Variants in IL18RAP observed in about 807,000 individuals in gnomAD.
The protein encoded by IL18RAP is interleukin-18 receptor accessory protein.
A neutral mutation model predicts 58.1 loss-of-function variants in IL18RAP; 37 were observed. That is an observed-to-expected ratio of 0.64 (90% CI 0.49 to 0.84). The LOEUF (loss-of-function observed/expected upper bound fraction) is 0.84, where lower values mean the gene tolerates loss of function less well. IL18RAP is among the 40% of genes least tolerant of loss of function. IL18RAP has a pLI of 0.00. For synonymous variants in IL18RAP, 268 were observed against 257.5 expected, an observed-to-expected ratio of 1.04 and a Z score of -0.39; for missense variants, 667 against 704.8, an observed-to-expected ratio of 0.95 and a Z score of 0.61.
chr2:102,421,046 T>C (rs1016207515), upstream of IL18RAP, among the ~76,000 whole-genome samples: 1 of 152,200 alleles, frequency 6.6e-6, no homozygotes, highest in Non-Finnish European at 1.5e-5. Context: ...ACTGATCTAC[T>C]GCAGCATGGT....
Position 102,423,334 on chromosome 2 carries a change from A to G in IL18RAP, c.57A>G (p.Gly19=). The change falls in exon 1 of 10, where the codon GGA becomes GGG. Residue 19 remains glycine (G), a synonymous_variant. Transcript: ENST00000687160. ...TTGTTGCAGGAGAGCGAATTAAAGG[A>G]TTTAATATTTCAGGTAGGGGTTTTC... ...LWLVAGERIK[G]FNISGCSTKK... is the part of the protein sequence containing the mutation. The G allele has an allele frequency of 6.2e-7, 1 of 1,613,924 alleles. No homozygotes were observed. Among genetic ancestry groups the G allele is most frequent in the Non-Finnish European group, 8.5e-7 (1 of 1,179,812 alleles).
chr2:102,451,091 T>A, intron 9 of IL18RAP, 70 bp downstream of exon 9: 1 of 1,288,164 alleles, frequency 7.8e-7, no homozygotes, highest in Non-Finnish European at 1.1e-6. Context: ...AAGTCTTTTT[T>A]GTCATTCTTT....
At chr2:102,428,085 C>A (rs1488740134) in intron 3 of IL18RAP, among the ~76,000 whole-genome samples, 1 of 151,110 alleles carries the variant, frequency 6.6e-6, no homozygotes, top group Non-Finnish European at 1.5e-5. Flanking sequence ...CAGTACCATG[C>A]TGTTTTGATT....
chr2:102,444,623 C>T (rs2104372085), intron 6 of IL18RAP, among the ~76,000 whole-genome samples: 1 of 152,328 alleles, frequency 6.6e-6, no homozygotes, highest in Non-Finnish European at 1.5e-5. Flanking sequence ...CTTCAGAGAA[C>T]TCAAATTGTG....
upstream of IL18RAP, among the ~76,000 whole-genome samples, chr2:102,421,651 C>T (rs1681584406): frequency 6.6e-6 from 1 of 152,194 alleles, no homozygotes; most frequent in African/African-American, 2.4e-5. Flanking sequence ...ACCTTAACAC[C>T]TATCCGTGGC....
intron 4 of IL18RAP, among the ~76,000 whole-genome samples, chr2:102,438,530 G>T (rs1412209026): frequency 6.6e-6 from 1 of 151,996 alleles, no homozygotes; most frequent in Non-Finnish European, 1.5e-5. Flanking sequence ...TACCCCACTC[G>T]CACCACTTTT....
chr2:102,418,873 G>A (rs190870925), upstream of IL18RAP: 17 of 152,378 alleles, frequency 1.1e-4, no homozygotes, highest in African/African-American at 4.1e-4. Context: ...ACAAAAGCTG[G>A]CAGTTACTGA....
chr2:102,426,816 A>G (rs1423250822), intron 3 of IL18RAP, among the ~76,000 whole-genome samples: 2 of 148,592 alleles, frequency 1.3e-5, no homozygotes, highest in South Asian at 2.1e-4. Context: ...ATTATTGGCT[A>G]TAGTTATCTT....
intron 3 of IL18RAP, among the ~76,000 whole-genome samples, chr2:102,428,379 G>GT (rs57882228): frequency 0.2 from 29,399 of 145,766 alleles, 3,164 homozygotes; most frequent in Non-Finnish European, 0.22. Context: ...CCTTTTGTTA[G>GT]TTTTTTTTTT....
At chr2:102,420,827 T>G (rs988770470), upstream of IL18RAP, among the ~76,000 whole-genome samples, 1 of 152,220 alleles carries the variant, frequency 6.6e-6, no homozygotes, top group Non-Finnish European at 1.5e-5. Flanking sequence ...GTGACTTAAT[T>G]GGAGCCACAC....
intron 7 of IL18RAP, among the ~76,000 whole-genome samples, chr2:102,446,649 A>G (rs1364886097): frequency 1.3e-5 from 2 of 152,136 alleles, no homozygotes; most frequent in Non-Finnish European, 2.9e-5. Context: ...AATACAAAAA[A>G]AATTAGCCGG....
chr2:102,452,402 G>A lies in IL18RAP; in HGVS notation c.*221G>A, dbSNP rs2104394776. On this transcript the variant is annotated 3_prime_UTR_variant, in exon 10 of 10. Transcript: ENST00000687160. ...CGGCGAGTGAATTCTCTAGACCTTG[G>A]GTACTTTCAGTACACAACACCCCTA... The A allele has an allele frequency of 2.0e-6, 1 of 490,940 alleles. No individual in the cohort carries two copies. 30.4% of individuals were successfully genotyped at this position (490,940 alleles called of 1,614,324 possible).
intron 7 of IL18RAP, among the ~76,000 whole-genome samples, chr2:102,445,767 A>G (rs1683375697): frequency 6.6e-6 from 1 of 152,128 alleles, no homozygotes; most frequent in Non-Finnish European, 1.5e-5. Context: ...TGGAAGAGAG[A>G]AGGAGTAATC....
intron 8 of IL18RAP, among the ~76,000 whole-genome samples, chr2:102,447,885 C>A (rs1208789532): frequency 1.3e-5 from 2 of 152,070 alleles, no homozygotes; most frequent in African/African-American, 4.8e-5. Context: ...CATGCGCTAC[C>A]ATGTCCAGCT....
At chr2:102,446,809 A>C (rs2104379698) in intron 7 of IL18RAP, among the ~76,000 whole-genome samples, 1 of 152,052 alleles carries the variant, frequency 6.6e-6, no homozygotes, top group Admixed American at 6.5e-5. Flanking sequence ...AAAAAAAAAA[A>C]AAAGTATAAT....
intron 6 of IL18RAP, 57 bp downstream of exon 6, chr2:102,443,380 T>C (rs1683222484): frequency 6.3e-7 from 1 of 1,578,608 alleles, no homozygotes; most frequent in Admixed American, 1.8e-5. Flanking sequence ...TACTTCTACC[T>C]TTAGAAATGC....
chr2:102,423,674 C>G (rs1423182653), intron 1 of IL18RAP, 137 bp from the exon 2 acceptor site: 1 of 711,056 alleles, frequency 1.4e-6, no homozygotes. Flanking sequence ...CTTCCTTTCC[C>G]CTACAAAATA....
chr2:102,437,200 CTT>C lies in IL18RAP; in HGVS notation c.580-9_580-8del, dbSNP rs1682804709. On this transcript the variant is annotated splice_polypyrimidine_tract_variant and intron_variant, in intron 3 of 9. Coordinates refer to ENST00000687160, the MANE Select transcript of IL18RAP (RefSeq NM_001393487.1). ...TGGCAAATTTATCTGCTTAAAATATCTTTTGGATTAGAATGGAAAACTCCTCT... is the reference window on the plus strand; with the variant it reads ...TGGCAAATTTATCTGCTTAAAATATCTTGGATTAGAATGGAAAACTCCTCT... The C allele has an allele frequency of 1.3e-6, 2 of 1,596,796 alleles. No individual in the cohort carries two copies. The highest frequency in any genetic ancestry group is 1.8e-5 in the Admixed American group (1 of 56,182).
chr2:102,441,419 G>A (rs754655552), intron 5 of IL18RAP, 42 bp downstream of exon 5: 20 of 1,496,174 alleles, frequency 1.3e-5, no homozygotes, highest in East Asian at 4.5e-5. Flanking sequence ...TCGTGCTGCT[G>A]GGAGCAGGTC....
Sources: allele counts gnomAD v4.1 joint callset (sites outside exome capture counted in the v4.1 genomes callset), GRCh38; gene constraint gnomAD v4.1.1; transcripts MANE v1.5; gene names NCBI Gene and HGNC (gene_info 2026-07-23, HGNC 2026-07-21).